PCDH17: variants seen among roughly 807,000 people sequenced by gnomAD.
PCDH17 encodes protocadherin-17.
PCDH17 carries 21 observed loss-of-function variants against 67.7 expected under a neutral mutation model. That is an observed-to-expected ratio of 0.31 (90% confidence interval 0.22 to 0.45). The LOEUF (loss-of-function observed/expected upper bound fraction) is 0.45. Ranked by LOEUF, PCDH17 falls within the 20% of genes least tolerant of loss-of-function variation. PCDH17 has a pLI of 1.00. For missense variants in PCDH17, 1,471 were observed against 1,564.8 expected (o/e 0.94, Z 1.01); for synonymous variants, 701 against 656.7 (o/e 1.07, Z -1.03).
chr13:57,721,207 A>G (rs1955869172), intron 3 of PCDH17, among the ~76,000 whole-genome samples: 1 of 152,072 alleles, frequency 6.6e-6, no homozygotes. Context: ...TTGGCAAGGG[A>G]TGCATTCTAT....
chr13:57,725,306 A>G lies in PCDH17; in HGVS notation c.*12A>G. 6.3e-7 allele frequency: 1 copy of G among 1,586,726 alleles called. No homozygotes were observed. Among genetic ancestry groups the G allele is most frequent in the South Asian group, 1.1e-5 (1 of 87,130 alleles). On this transcript the variant is annotated 3_prime_UTR_variant, in exon 4 of 4. Transcript: ENST00000377918. ...CTGTGAGAAAGTGAAAAAAGAAAAA[A>G]AAAAAGGCATTGGCATTTTCTTGTC...
At chr13:57,677,880 G>T (rs1955410176) in intron 3 of PCDH17, among the ~76,000 whole-genome samples, 1 of 151,774 alleles carries the variant, frequency 6.6e-6, no homozygotes, top group Admixed American at 6.6e-5. Context: ...TCAAATGGTG[G>T]TTACCAGAGG....
Position 57,724,954 on chromosome 13 carries a change from G to A in PCDH17, c.3140G>A (p.Cys1047Tyr), listed in dbSNP as rs555887888. ...SSPTKACIEP[C>Y]TSTKGSLDGC... is the part of the protein sequence containing the mutation. Reference sequence around the variant, plus strand: ...CCAACCAAGGCGTGCATCGAGCCTTGCACCTCAACAAAAGGCTCCCTGGAT... The same window carrying A: ...CCAACCAAGGCGTGCATCGAGCCTTACACCTCAACAAAAGGCTCCCTGGAT... Residue 1047 changes from cysteine (C) to tyrosine (Y), a missense_variant, in exon 4 of 4, where the codon TGC becomes TAC. This residue lies in a region of PCDH17 where 297 missense variants were observed against 298.6 expected (regional missense o/e 0.99). Transcript: ENST00000377918. The A allele has an allele frequency of 6.2e-7, 1 of 1,614,170 alleles. No individual in the cohort carries two copies. The highest frequency in any genetic ancestry group is 8.5e-7 in the Non-Finnish European group (1 of 1,180,032).
Position 57,726,066 on chromosome 13 carries a change from T to C in PCDH17, c.*772T>C, listed in dbSNP as rs974128194. 3.3e-4 allele frequency: 51 copies of C among 152,622 alleles called. No individual in the cohort carries two copies. Among genetic ancestry groups the C allele is most frequent in the Admixed American group, 3.2e-3 (49 of 15,268 alleles). The allele number at this position is 152,622 out of a possible 1,614,324, so 9.5% of individuals were successfully genotyped here. On this transcript the variant is annotated 3_prime_UTR_variant, in exon 4 of 4. Transcript: ENST00000377918. ...AAAGATTTAAAATGCCTATTTAGCA[T>C]TTTAGTGTCCAACAAAGATTTAAAC...
rs566344762 is a variant in PCDH17 at position 57,632,618 on chromosome 13, C to T, written c.72C>T (p.Ser24=). 5.6e-6 allele frequency: 9 copies of T among 1,613,748 alleles called. No homozygotes were observed. The highest frequency in any genetic ancestry group is 1.1e-5 in the South Asian group (1 of 91,088). ...PALTLKNLNY[S]VPEEQGAGTV... is the part of the protein sequence containing the mutation. ...TCACTCTCAAGAACCTCAACTACTC[C>T]GTGCCGGAGGAGCAAGGGGCCGGCA... Residue 24 remains serine (S), a synonymous_variant, in exon 1 of 4, where the codon TCC becomes TCT. Coordinates refer to ENST00000377918, the MANE Select transcript of PCDH17 (RefSeq NM_001040429.3).
At chr13:57,678,446 A>G (rs1459599195) in intron 3 of PCDH17, among the ~76,000 whole-genome samples, 1 of 151,634 alleles carries the variant, frequency 6.6e-6, no homozygotes, top group African/African-American at 2.4e-5. Context: ...CATAATGGGG[A>G]GGCTAGCTTT....
In PCDH17 at chr13:57,632,540, G is replaced by A. The variant is rs1487728881; in HGVS notation, c.-7G>A. On this transcript the variant is annotated 5_prime_UTR_variant, in exon 1 of 4. Coordinates refer to ENST00000377918, the MANE Select transcript of PCDH17 (RefSeq NM_001040429.3). ...GATTGCTCCTGCCCCCACCTTACAG[G>A]TCTGGGATGTACCTTTCCATCTGTT... 1.2e-6 allele frequency: 2 copies of A among 1,611,978 alleles called. No homozygotes were observed. Among genetic ancestry groups the A allele is most frequent in the Admixed American group, 1.7e-5 (1 of 59,718 alleles).
In PCDH17 at chr13:57,666,822, C is replaced by T; in HGVS notation, c.2786C>T (p.Pro929Leu). 6.2e-7 allele frequency: 1 copy of T among 1,607,298 alleles called. No individual in the cohort carries two copies. Among genetic ancestry groups the T allele is most frequent in the South Asian group, 1.1e-5 (1 of 90,420 alleles). Residue 929 changes from proline to leucine, a missense_variant, in exon 3 of 4, where the codon CCA (proline) becomes CTA (leucine). By Grantham distance (98) the Pro-to-Leu change is moderately conservative. Coordinates refer to ENST00000377918, the MANE Select transcript of PCDH17 (RefSeq NM_001040429.3). Reference sequence around the variant, plus strand: ...AAAACTACTTCAACTAAAAGCCAACCACTTGAACAAGGTGAGTGAAGTCTT... The same window carrying T: ...AAAACTACTTCAACTAAAAGCCAACTACTTGAACAAGGTGAGTGAAGTCTT... ...KMKTTSTKSQ[P>L]LEQEPEECVN...
intron 1 of PCDH17, among the ~76,000 whole-genome samples, chr13:57,645,888 T>C (rs1446806356): frequency 1.3e-5 from 2 of 151,416 alleles, no homozygotes; most frequent in East Asian, 1.9e-4. Flanking sequence ...CAGTCAGTTA[T>C]TAAGAAACTA....
At chr13:57,692,494 A>T (rs1955568349) in intron 3 of PCDH17, among the ~76,000 whole-genome samples, 5 of 151,214 alleles carry the variant, frequency 3.3e-5, no homozygotes, top group Admixed American at 3.3e-4. Flanking sequence ...CCATAAACTA[A>T]TTCAGCTACA....
chr13:57,650,560 A>G (rs1268948146), intron 1 of PCDH17, among the ~76,000 whole-genome samples: 1 of 152,200 alleles, frequency 6.6e-6, no homozygotes, highest in Non-Finnish European at 1.5e-5. Context: ...ATGTTTTTAT[A>G]TTAAAATAAT....
rs1212355910 is a variant in PCDH17, at chr13:57,727,034, A to G, written c.*1740A>G. The G allele has an allele frequency of 1.3e-5, 2 of 152,590 alleles. No homozygotes were observed. Among genetic ancestry groups the G allele is most frequent in the African/African-American group, 4.8e-5 (2 of 41,430 alleles). The allele number at this position is 152,590 out of a possible 1,614,324, so 9.5% of individuals were successfully genotyped here. ...TCATTTGGTTACACCTTTCCTTGTG[A>G]CATTTAGCGAGTTTCAAACTTACTT... On this transcript the variant is annotated 3_prime_UTR_variant, in exon 4 of 4. Transcript: ENST00000377918.
At position 57,632,892 on chromosome 13, in the gene PCDH17, T is replaced by G; in HGVS notation, c.346T>G (p.Cys116Gly). 6.2e-7 allele frequency: 1 copy of G among 1,614,042 alleles called. No homozygotes were observed. Among genetic ancestry groups the G allele is most frequent in the African/African-American group, 1.3e-5 (1 of 75,028 alleles). The part of the protein sequence containing the change: ...LEVFANDKEI[C>G]MIKVEIQDIN... ...GGTGTTCGCCAACGACAAGGAGATC[T>G]GCATGATCAAGGTAGAGATCCAGGA... Residue 116 changes from cysteine to glycine, a missense_variant, in exon 1 of 4, where the codon TGC becomes GGC. Transcript: ENST00000377918.
rs184659068 is a variant in PCDH17 at position 57,729,037 on chromosome 13, G to A, written c.*3743G>A. On this transcript the variant is annotated 3_prime_UTR_variant, in exon 4 of 4. Coordinates refer to ENST00000377918, the MANE Select transcript of PCDH17 (RefSeq NM_001040429.3). ...CATCAGAGCACTAATTCGAATGAGA[G>A]TTTTGGCTATCAAGATGTGTTGATT... The A allele has an allele frequency of 6.6e-6, 1 of 152,246 alleles. No individual in the cohort carries two copies. The highest frequency in any genetic ancestry group is 2.4e-5 in the African/African-American group (1 of 41,560). 9.4% of individuals were successfully genotyped at this position (152,246 alleles called of 1,614,324 possible).
intron 1 of PCDH17, among the ~76,000 whole-genome samples, chr13:57,653,918 C>G (rs1325597960): frequency 6.6e-6 from 1 of 152,098 alleles, no homozygotes; most frequent in Non-Finnish European, 1.5e-5. Context: ...CTGCAAATCA[C>G]CTAACACTGC....
intron 1 of PCDH17, among the ~76,000 whole-genome samples, chr13:57,664,537 G>A (rs1444390568): frequency 6.6e-6 from 1 of 152,076 alleles, no homozygotes; most frequent in Non-Finnish European, 1.5e-5. Flanking sequence ...AACGAATAGG[G>A]ATCCACATCC....
intron 1 of PCDH17, among the ~76,000 whole-genome samples, chr13:57,641,289 G>A (rs1954889553): frequency 6.6e-6 from 1 of 151,226 alleles, no homozygotes; most frequent in African/African-American, 2.4e-5. Flanking sequence ...TTGGTCTTCT[G>A]GAATAAGTTA....
At chr13:57,701,769 A>G (rs971036197) in intron 3 of PCDH17, among the ~76,000 whole-genome samples, 4 of 152,126 alleles carry the variant, frequency 2.6e-5, no homozygotes, top group Admixed American at 1.3e-4. Flanking sequence ...AGAATAATAT[A>G]TTTATAACAT....
intron 3 of PCDH17, 84 bp from the exon 4 acceptor site, chr13:57,724,528 C>A: frequency 9.4e-7 from 1 of 1,060,438 alleles, no homozygotes; most frequent in Non-Finnish European, 1.4e-6. Context: ...TCAAGCAAGC[C>A]CATTGAGAGC....
Sources: gnomAD v4.1 joint callset for allele counts (sites outside exome capture counted in the v4.1 genomes callset) on GRCh38, gnomAD v4.1.1 for gene constraint, gnomAD v4.1.1 regional missense constraint, MANE v1.5 for transcripts, NCBI Gene and HGNC (gene_info 2026-07-23, HGNC 2026-07-21) for gene names.